The following SGCD variants were observed in gnomAD, a reference collection of about 807,000 sequenced individuals.
SGCD encodes delta-sarcoglycan.
In SGCD, 18 loss-of-function variants were observed where a neutral mutation model predicts 36.6. The ratio of observed to expected loss-of-function variants is 0.49; its 90% CI spans 0.34 to 0.73. SGCD has a LOEUF of 0.73. SGCD is among the 30% of genes least tolerant of loss of function. The pLI is 0.01. For missense variants in SGCD, 387 were observed against 346.7 expected, an observed-to-expected ratio of 1.12 and a Z score of -0.92; for synonymous variants, 133 against 130.6, an observed-to-expected ratio of 1.02 and a Z score of -0.12.
intron 3 of SGCD, among the ~76,000 whole-genome samples, chr5:156,400,683 G>T (rs1204891589): frequency 6.6e-6 from 1 of 152,176 alleles, no homozygotes; most frequent in Admixed American, 6.6e-5. Flanking sequence ...CTTATGCTTT[G>T]TATCTGCAGC....
rs150741573 is a variant in SGCD at position 156,154,426 on chromosome 5, T to C, written c.-44+30407T>C. The stretch of plus-strand genomic sequence containing the variant: ...CATAATATCTGAGAAATATATTTGC[T>C]ATTATTTTTTCATATACAGATGCCA... On this transcript the variant is annotated intron_variant, in intron 3 of 9. Coordinates refer to the SGCD transcript ENST00000517913. 2.8e-3 allele frequency among the ~76,000 whole-genome samples: 426 copies of C among 151,824 alleles called. 9 individuals are homozygous for C. Among genetic ancestry groups the C allele is most frequent in the East Asian group, 3.5e-3 (18 of 5,186 alleles).
At chr5:156,351,853 T>C (rs943436035) in intron 3 of SGCD, among the ~76,000 whole-genome samples, 2 of 152,102 alleles carry the variant, frequency 1.3e-5, no homozygotes, top group Non-Finnish European at 2.9e-5. Context: ...TCCTGGTCTG[T>C]TGGCTAGTTT....
At chr5:156,185,854 G>GT (rs1763740848) in intron 3 of SGCD, among the ~76,000 whole-genome samples, 2 of 6,432 alleles carry the variant, frequency 3.1e-4, no homozygotes, top group African/African-American at 5.0e-4. Context: ...TATATATAGA[G>GT]AGAGAGAGAG....
At chr5:156,291,874 A>C (rs1156342879) in intron 3 of SGCD, among the ~76,000 whole-genome samples, 2 of 152,170 alleles carry the variant, frequency 1.3e-5, no homozygotes, top group Non-Finnish European at 2.9e-5. Flanking sequence ...TGGTGGGAAC[A>C]CTTGAAATCT....
intron 7 of SGCD, among the ~76,000 whole-genome samples, chr5:156,742,330 C>T (rs968071462): frequency 3.3e-5 from 5 of 152,008 alleles, no homozygotes; most frequent in African/African-American, 4.8e-5. Context: ...ATCTTCAAGT[C>T]GACATATTTC....
At chr5:156,407,783 T>C (rs564407590) in intron 3 of SGCD, among the ~76,000 whole-genome samples, 3 of 151,560 alleles carry the variant, frequency 2.0e-5, no homozygotes, top group African/African-American at 7.3e-5. Flanking sequence ...TGATTGTTAT[T>C]ATATCAGTGG....
At chr5:156,567,201 T>C (rs1759515147) in intron 4 of SGCD, among the ~76,000 whole-genome samples, 1 of 152,136 alleles carries the variant, frequency 6.6e-6, no homozygotes, top group Non-Finnish European at 1.5e-5. Context: ...TTAGTAGTAC[T>C]CACCTACTTT....
chr5:156,226,450 C>T (rs1186754498), intron 3 of SGCD, among the ~76,000 whole-genome samples: 1 of 152,088 alleles, frequency 6.6e-6, no homozygotes, highest in Non-Finnish European at 1.5e-5. Context: ...ATACCAGTTT[C>T]TTTATCCATA....
intron 1 of SGCD, among the ~76,000 whole-genome samples, chr5:156,074,440 T>C (rs1453858430): frequency 6.6e-6 from 1 of 152,102 alleles, no homozygotes; most frequent in African/African-American, 2.4e-5. Context: ...GTGTATTTAC[T>C]TGGGAGGCTG....
chr5:156,371,572 T>C (rs1305124160), intron 3 of SGCD, among the ~76,000 whole-genome samples: 1 of 152,206 alleles, frequency 6.6e-6, no homozygotes, highest in African/African-American at 2.4e-5. Context: ...CCTGGAATTG[T>C]TCCATCAGAG....
chr5:156,756,176 C>T (rs1757327200), intron 7 of SGCD, among the ~76,000 whole-genome samples: 1 of 152,208 alleles, frequency 6.6e-6, no homozygotes, highest in African/African-American at 2.4e-5. Context: ...AGAACCATTG[C>T]TGAGGTCTCC....
chr5:156,250,289 G>T (rs1025362781), intron 3 of SGCD, among the ~76,000 whole-genome samples: 12 of 152,116 alleles, frequency 7.9e-5, no homozygotes, highest in Non-Finnish European at 1.5e-4. Context: ...TCTGATTTTT[G>T]CAGAAAGGAT....
intron 3 of SGCD, among the ~76,000 whole-genome samples, chr5:156,410,801 A>G (rs940916812): frequency 1.6e-4 from 24 of 152,082 alleles, no homozygotes; most frequent in African/African-American, 5.8e-4. Context: ...TATTAGACCC[A>G]TGAAAGGGGC....
intron 4 of SGCD, among the ~76,000 whole-genome samples, chr5:156,562,054 T>C (rs10071360): frequency 0.26 from 40,001 of 152,108 alleles, 5,475 homozygotes; most frequent in Non-Finnish European, 0.31. Context: ...AAATATTTAC[T>C]GAACACTTAT....
intron 3 of SGCD, among the ~76,000 whole-genome samples, chr5:156,272,163 C>A (rs755144151): frequency 1.4e-4 from 21 of 152,162 alleles, no homozygotes; most frequent in Middle Eastern, 3.4e-3. Context: ...TCCCTTACAC[C>A]CTTCTCAATC....
intron 3 of SGCD, among the ~76,000 whole-genome samples, chr5:156,306,031 GC>G (rs1767202310): frequency 6.6e-6 from 1 of 152,182 alleles, no homozygotes; most frequent in Non-Finnish European, 1.5e-5. Context: ...CAAGGGACTT[GC>G]CTTGTCCCAG....
chr5:155,862,573 G>A, the SGCD span, among the ~76,000 whole-genome samples: 1 of 152,184 alleles, frequency 6.6e-6, no homozygotes, highest in African/African-American at 2.4e-5. Context: ...TTGGCCTCAA[G>A]TGATCCTCCC....
chr5:155,807,808 A>C, the SGCD span, among the ~76,000 whole-genome samples: 1 of 152,234 alleles, frequency 6.6e-6, no homozygotes, highest in Non-Finnish European at 1.5e-5. Context: ...GGAATACGAC[A>C]TAACACTCCA....
chr5:156,622,424 C>T (rs1469744490), intron 6 of SGCD, among the ~76,000 whole-genome samples: 1 of 132,226 alleles, frequency 7.6e-6, no homozygotes, highest in Non-Finnish European at 1.6e-5. Flanking sequence ...CAGGGCAAGA[C>T]TCTGTCTAAA....
Sources: gnomAD v4.1 joint callset for allele counts (sites outside exome capture counted in the v4.1 genomes callset) on GRCh38, gnomAD v4.1.1 for gene constraint, MANE v1.5 for transcripts, NCBI Gene and HGNC (gene_info 2026-07-23, HGNC 2026-07-21) for gene names.